LRP3: variants seen among roughly 807,000 people sequenced by gnomAD.
LRP3 encodes the protein low-density lipoprotein receptor-related protein 3.
A neutral mutation model predicts 58.5 loss-of-function variants in LRP3; 49 were observed. That is an observed-to-expected ratio of 0.84 (90% CI 0.67 to 1.06). The LOEUF is 1.06. Among genes scored for constraint, LRP3 ranks in the 50% least tolerant of loss-of-function variants. The pLI is 0.00. For synonymous variants in LRP3, 485 were observed against 492.2 expected, an observed-to-expected ratio of 0.99 and a Z score of 0.20; for missense variants, 1,019 against 1,134.2, an observed-to-expected ratio of 0.90 and a Z score of 1.46.
intron 2 of LRP3, among the ~76,000 whole-genome samples, chr19:33,202,332 G>T (rs1210739778): frequency 2.0e-5 from 3 of 152,228 alleles, no homozygotes; most frequent in Non-Finnish European, 4.4e-5. Flanking sequence ...GTTCCATAGA[G>T]CAGGCCTTAT....
In LRP3 at chr19:33,202,937, A is replaced by G; in HGVS notation, c.211A>G (p.Asn71Asp). 6.2e-7 allele frequency: 1 copy of G among 1,612,764 alleles called. No homozygotes were observed. The highest frequency in any genetic ancestry group is 8.5e-7 in the Non-Finnish European group (1 of 1,179,552). ...AWPLNYPPGT[N>D]CSWYIQGDRG... ...GCCCCTCAACTACCCGCCAGGCACC[A>G]ACTGCAGCTGGTACATCCAGGGCGA... Residue 71 changes from asparagine (N) to aspartate (D), a missense_variant, in exon 3 of 7, where the codon AAC (asparagine) becomes GAC (aspartate). By Grantham distance (23) the Asn-to-Asp change is conservative. Transcript: ENST00000253193.
Position 33,205,770 on chromosome 19 carries a change from G to C in LRP3, c.1000G>C (p.Val334Leu), listed in dbSNP as rs759465405. The change falls in exon 5 of 7, where the codon GTG becomes CTG. Residue 334 changes from valine to leucine, a missense_variant. Val to Leu is a conservative substitution (Grantham distance 32, BLOSUM62 1). Coordinates refer to ENST00000253193, the MANE Select transcript of LRP3 (RefSeq NM_002333.4). ...GTCCTACCGCAGCAACCACCGGCCC[G>C]TGAGCCTGGAGGCCGCCCAGGGCCG... The part of the protein sequence containing the change: ...TLSYRSNHRP[V>L]SLEAAQGRLT... The C allele has an allele frequency of 1.9e-6, 3 of 1,589,490 alleles. No homozygotes were observed. The highest frequency in any genetic ancestry group is 2.2e-5 in the South Asian group (2 of 89,792).
chr19:33,207,386 A>C lies in LRP3; in HGVS notation c.2124A>C (p.Val708=). ...KDRKVCREPL[V]DGPAPADAPR... ...GAAAGGTCTGCAGGGAGCCACTGGTAGACGGCCCAGCTCCTGCAGATGCAC... is the reference window on the plus strand; with the variant it reads ...GAAAGGTCTGCAGGGAGCCACTGGTCGACGGCCCAGCTCCTGCAGATGCAC... Residue 708 remains valine (V), a synonymous_variant, in exon 7 of 7, where the codon GTA becomes GTC. Transcript: ENST00000253193. 6.3e-7 allele frequency: 1 copy of C among 1,585,262 alleles called. No homozygotes were observed. Among genetic ancestry groups the C allele is most frequent in the Non-Finnish European group, 8.5e-7 (1 of 1,171,406 alleles).
intron 2 of LRP3, among the ~76,000 whole-genome samples, chr19:33,197,213 T>C: frequency 6.6e-6 from 1 of 152,118 alleles, no homozygotes; most frequent in Non-Finnish European, 1.5e-5. Flanking sequence ...TTATTAATTT[T>C]CTTGAAAGGA....
At chr19:33,200,156 C>T (rs566386194) in intron 2 of LRP3, among the ~76,000 whole-genome samples, 2 of 152,376 alleles carry the variant, frequency 1.3e-5, no homozygotes, top group East Asian at 3.9e-4. Context: ...TTCAGCCTCA[C>T]TGGGCCTTCC....
Position 33,205,807 on chromosome 19 carries a change from C to G in LRP3, c.1037C>G (p.Ala346Gly). ...LEAAQGRLTV[A>G]YHARARSAGH... is the part of the protein sequence containing the mutation. ...GCCGCCCAGGGCCGCCTCACTGTGG[C>G]CTACCACGCGCGCGCCCGCAGCGCC... Residue 346 changes from alanine to glycine, a missense_variant, in exon 5 of 7, where the codon GCC becomes GGC. Physicochemically the swap from Ala to Gly is moderately conservative, Grantham distance 60. Coordinates refer to ENST00000253193, the MANE Select transcript of LRP3 (RefSeq NM_002333.4). 6.3e-7 allele frequency: 1 copy of G among 1,587,298 alleles called. No individual in the cohort carries two copies.
chr19:33,205,164 C>A, intron 4 of LRP3, 82 bp from the exon 5 acceptor site: 1 of 1,456,844 alleles, frequency 6.9e-7, no homozygotes, highest in Non-Finnish European at 9.4e-7. Context: ...GAACCACCTG[C>A]CCGCTTTTGG....
chr19:33,204,684 T>C lies in LRP3; in HGVS notation c.307T>C (p.Trp103Arg). Residue 103 changes from tryptophan to arginine, a missense_variant, in exon 4 of 7, where the codon TGG becomes CGG. Coordinates refer to ENST00000253193, the MANE Select transcript of LRP3 (RefSeq NM_002333.4). ...VEESHQCSLD[W>R]LLLGPAAPPR... is the part of the protein sequence containing the mutation. Reference sequence around the variant, plus strand: ...GGAGTCCCACCAGTGCTCCCTGGACTGGCTCCTGCTGGGCCCAGCAGCCCC... The same window carrying C: ...GGAGTCCCACCAGTGCTCCCTGGACCGGCTCCTGCTGGGCCCAGCAGCCCC... 1 of 1,609,008 alleles carries C rather than the reference T, an allele frequency of 6.2e-7. No homozygotes were observed.
rs1478537590 is a variant in LRP3, at chr19:33,207,039, C to T, written c.1777C>T (p.His593Tyr). 3 of 1,482,580 alleles carry T rather than the reference C, an allele frequency of 2.0e-6. No individual in the cohort carries two copies. The highest frequency in any genetic ancestry group is 2.8e-5 in the South Asian group (2 of 72,438). The allele number at this position is 1,482,580 out of a possible 1,614,324, so 91.8% of individuals were successfully genotyped here. ...AGCCATGCGGAGACAGATGCGTCGG[C>T]ACGCCTCCCGCCGGGGGCCCTCCCG... ...RTAMRRQMRRHASRRGPSRRR... is the reference protein window; with the variant it reads ...RTAMRRQMRRYASRRGPSRRR... Residue 593 changes from histidine to tyrosine, a missense_variant, in exon 7 of 7, where the codon CAC (histidine) becomes TAC (tyrosine). Coordinates refer to ENST00000253193, the MANE Select transcript of LRP3 (RefSeq NM_002333.4).
chr19:33,203,376 G>A (rs1974364386), intron 3 of LRP3, among the ~76,000 whole-genome samples: 1 of 152,134 alleles, frequency 6.6e-6, no homozygotes, highest in East Asian at 1.9e-4. Flanking sequence ...ACATGGAAAA[G>A]CCCATGTCGG....
chr19:33,203,321 CAT>C (rs945012021), intron 3 of LRP3, among the ~76,000 whole-genome samples: 33 of 142,670 alleles, frequency 2.3e-4, no homozygotes, highest in South Asian at 8.9e-4. Context: ...GGTGTGTGTG[CAT>C]ATGTGTGTGT....
intron 2 of LRP3, among the ~76,000 whole-genome samples, chr19:33,201,473 G>C (rs1170660978): frequency 1.3e-5 from 2 of 152,168 alleles, no homozygotes; most frequent in African/African-American, 4.8e-5. Flanking sequence ...TGGCGCTGCT[G>C]TAGTGAATTG....
In LRP3 at chr19:33,206,980, C is replaced by T. The variant is rs958321195; in HGVS notation, c.1726-8C>T. On this transcript the variant is annotated splice_region_variant and splice_polypyrimidine_tract_variant and intron_variant, in intron 6 of 6. Transcript: ENST00000253193. ...ATCCCCCCGCCCCTACCCTGCTCCA[C>T]CCCACAGGCCTCTGTGCTGCAGAAT... is the stretch of plus-strand genomic sequence containing the variant. 2.3e-5 allele frequency: 33 copies of T among 1,459,772 alleles called. No individual in the cohort carries two copies. Among genetic ancestry groups the T allele is most frequent in the Non-Finnish European group, 3.0e-5 (33 of 1,108,092 alleles). The allele number at this position is 1,459,772 out of a possible 1,614,324, so 90.4% of individuals were successfully genotyped here. A position where few individuals can be genotyped will look rare whatever the true frequency, so the allele number is the denominator to read the frequency against.
chr19:33,205,899 A>G lies in LRP3; in HGVS notation c.1129A>G (p.Ser377Gly), dbSNP rs1599937895. The G allele has an allele frequency of 6.2e-7, 1 of 1,606,780 alleles. No individual in the cohort carries two copies. The highest frequency in any genetic ancestry group is 1.3e-5 in the African/African-American group (1 of 74,780). ...CCTCCCCTGGGAGCAGCCGTGCGGGAGCAGTAGTGACAGTGACGGGGGCAG... is the reference window on the plus strand; with the variant it reads ...CCTCCCCTGGGAGCAGCCGTGCGGGGGCAGTAGTGACAGTGACGGGGGCAG... ...YCLPWEQPCG[S>G]SSDSDGGSLG... The change falls in exon 5 of 7, where the codon AGC (serine) becomes GGC (glycine). Residue 377 changes from serine to glycine, a missense_variant. By Grantham distance (56) the Ser-to-Gly change is moderately conservative. Coordinates refer to ENST00000253193, the MANE Select transcript of LRP3 (RefSeq NM_002333.4).
In LRP3 at chr19:33,202,951, C is replaced by T; in HGVS notation, c.225C>T (p.Tyr75=). 3 of 1,613,060 alleles carry T rather than the reference C, an allele frequency of 1.9e-6. No homozygotes were observed. The highest frequency in any genetic ancestry group is 2.5e-6 in the Non-Finnish European group (3 of 1,179,684). The change falls in exon 3 of 7, where the codon TAC becomes TAT. Residue 75 remains tyrosine (Y), a synonymous_variant. Transcript: ENST00000253193. ...NYPPGTNCSW[Y]IQGDRGDMIT... ...CGCCAGGCACCAACTGCAGCTGGTA[C>T]ATCCAGGGCGACCGTGGTGACATGA...
rs3745975 is a variant in LRP3, at chr19:33,205,715, C to T, written c.945C>T (p.Gly315=). 81,100 of 1,601,748 alleles carry T rather than the reference C, an allele frequency of 0.051. 2,419 individuals carry two copies. The highest frequency in any genetic ancestry group is 0.14 in the East Asian group (6,079 of 44,734). The change falls in exon 5 of 7, where the codon GGC becomes GGT. Residue 315 remains glycine (G), a synonymous_variant. Transcript: ENST00000253193. ...DDYVQVYEGL[G]ERGDRLLQTL... ...ACGTGCAGGTATACGAGGGCCTGGG[C>T]GAGCGCGGGGACCGCCTGCTGCAGA... is the stretch of plus-strand genomic sequence containing the variant.
chr19:33,201,902 C>T (rs1214413710), intron 2 of LRP3, among the ~76,000 whole-genome samples: 3 of 152,136 alleles, frequency 2.0e-5, no homozygotes, highest in African/African-American at 4.8e-5. Context: ...TAAAGCGAGG[C>T]CCATGGGGCT....
At chr19:33,196,362 G>A (rs1206688556) in intron 1 of LRP3, among the ~76,000 whole-genome samples, 2 of 152,128 alleles carry the variant, frequency 1.3e-5, no homozygotes, top group African/African-American at 2.4e-5. Context: ...AGACCAGCCT[G>A]AGCAACACAG....
chr19:33,199,441 C>A (rs1974318666), intron 2 of LRP3, among the ~76,000 whole-genome samples: 1 of 150,972 alleles, frequency 6.6e-6, no homozygotes, highest in Non-Finnish European at 1.5e-5. Context: ...CCACTGCACT[C>A]CAGCCTGGGA....
Sources: gnomAD v4.1 joint callset for allele counts (sites outside exome capture counted in the v4.1 genomes callset) on GRCh38, gnomAD v4.1.1 for gene constraint, MANE v1.5 for transcripts, NCBI Gene and HGNC (gene_info 2026-07-23, HGNC 2026-07-21) for gene names.